Variants in SNTG1 observed in about 807,000 individuals in gnomAD.
SNTG1 encodes syntrophin gamma 1, also known as gamma-1-syntrophin.
A neutral mutation model predicts 74.7 loss-of-function variants in SNTG1; 39 were observed. That is an observed-to-expected ratio of 0.52 (90% CI 0.40 to 0.68). The LOEUF (loss-of-function observed/expected upper bound fraction) is 0.68. Among genes scored for constraint, SNTG1 ranks in the 30% least tolerant of loss-of-function variants. The pLI, the probability that SNTG1 is intolerant of heterozygous loss-of-function variation, is 0.00. For synonymous variants in SNTG1, 254 were observed against 217.1 expected, an observed-to-expected ratio of 1.17 and a Z score of -1.49; for missense variants, 685 against 609.5, an observed-to-expected ratio of 1.12 and a Z score of -1.30.
At chr8:50,712,543 T>C (rs1188773193) in intron 17 of SNTG1, among the ~76,000 whole-genome samples, 1 of 152,190 alleles carries the variant, frequency 6.6e-6, no homozygotes, top group Non-Finnish European at 1.5e-5. Flanking sequence ...AACATGCATG[T>C]TTGTTACATA....
chr8:50,304,678 A>G (rs2089799069), intron 2 of SNTG1, among the ~76,000 whole-genome samples: 1 of 152,070 alleles, frequency 6.6e-6, no homozygotes, highest in South Asian at 2.1e-4. Context: ...TCCTGCTCCC[A>G]CCCACTTCTA....
intron 1 of SNTG1, among the ~76,000 whole-genome samples, chr8:50,155,030 T>G (rs905800419): frequency 4.6e-5 from 7 of 152,220 alleles, no homozygotes; most frequent in Non-Finnish European, 1.0e-4. Flanking sequence ...ATGAAATTAT[T>G]TCAAAGTAAA....
At chr8:50,737,657 T>C (rs1010257617) in intron 17 of SNTG1, among the ~76,000 whole-genome samples, 20 of 152,108 alleles carry the variant, frequency 1.3e-4, no homozygotes, top group African/African-American at 4.6e-4. Context: ...GAGAAAATCC[T>C]CAATAAAATA....
chr8:50,333,789 A>G (rs999025398), intron 2 of SNTG1, among the ~76,000 whole-genome samples: 7 of 152,186 alleles, frequency 4.6e-5, no homozygotes, highest in Admixed American at 6.5e-5. Flanking sequence ...AACTAATAAT[A>G]AGGAATCAAA....
intron 17 of SNTG1, among the ~76,000 whole-genome samples, chr8:50,740,244 G>A (rs576966670): frequency 6.6e-6 from 1 of 150,890 alleles, no homozygotes; most frequent in African/African-American, 2.4e-5. Context: ...CTAATATCCA[G>A]CATCTACAAG....
chr8:50,310,229 C>A (rs1235641747), intron 2 of SNTG1, among the ~76,000 whole-genome samples: 1 of 152,052 alleles, frequency 6.6e-6, no homozygotes, highest in Non-Finnish European at 1.5e-5. Flanking sequence ...CTGGATTATT[C>A]TCTAGTTTTA....
chr8:50,610,707 A>G (rs1462455391), intron 13 of SNTG1, among the ~76,000 whole-genome samples: 1 of 152,190 alleles, frequency 6.6e-6, no homozygotes, highest in African/African-American at 2.4e-5. Flanking sequence ...CATGTGAACA[A>G]AGTAAGTAAT....
At chr8:50,255,463 G>C (rs900577898) in intron 2 of SNTG1, among the ~76,000 whole-genome samples, 7 of 152,260 alleles carry the variant, frequency 4.6e-5, no homozygotes, top group African/African-American at 1.4e-4. Flanking sequence ...TAAGGACACA[G>C]AAATTTATGT....
intron 1 of SNTG1, among the ~76,000 whole-genome samples, chr8:50,097,960 T>G (rs2079990110): frequency 6.6e-6 from 1 of 152,192 alleles, no homozygotes; most frequent in African/African-American, 2.4e-5. Flanking sequence ...AAAATATTAA[T>G]ATGTCTAAAG....
chr8:50,194,397 G>A (rs550292028), intron 2 of SNTG1, among the ~76,000 whole-genome samples: 1 of 151,928 alleles, frequency 6.6e-6, no homozygotes, highest in Non-Finnish European at 1.5e-5. Context: ...TTTAAGCCAG[G>A]AAGTTGTATT....
intron 15 of SNTG1, among the ~76,000 whole-genome samples, chr8:50,669,811 A>T (rs902358782): frequency 6.6e-6 from 1 of 152,238 alleles, no homozygotes; most frequent in Non-Finnish European, 1.5e-5. Flanking sequence ...TGGCAAACCA[A>T]ATCCAGCAGC....
chr8:50,331,195 A>T (rs1260327712), intron 2 of SNTG1, among the ~76,000 whole-genome samples: 4 of 152,314 alleles, frequency 2.6e-5, no homozygotes, highest in Non-Finnish European at 5.9e-5. Flanking sequence ...AATAGCACAC[A>T]GACAGGTGGG....
At chr8:50,215,509 A>G (rs57409741) in intron 2 of SNTG1, among the ~76,000 whole-genome samples, 3,624 of 148,704 alleles carry the variant, frequency 0.024, 144 homozygotes, top group African/African-American at 0.084. Flanking sequence ...GGCATAGATG[A>G]AAGGTTGAGA....
At chr8:49,982,033 A>G (rs779208128) in intron 1 of SNTG1, among the ~76,000 whole-genome samples, 12 of 152,188 alleles carry the variant, frequency 7.9e-5, no homozygotes, top group Non-Finnish European at 1.3e-4. Context: ...CAATAGCTTT[A>G]AAAATAAAAG....
At chr8:50,701,618 C>CTTCTTCTTCTTCTTCTTCTTCTT (rs201341360) in intron 15 of SNTG1, among the ~76,000 whole-genome samples, 3,524 of 136,932 alleles carry the variant, frequency 0.026, 110 homozygotes, top group South Asian at 0.046. Context: ...TCTTCTTCTT[C>CTTCTTCTTCTTCTTCTTCTTCTT]GTGTTCCTCT....
At chr8:50,101,744 T>C (rs2080134484) in intron 1 of SNTG1, among the ~76,000 whole-genome samples, 1 of 151,868 alleles carries the variant, frequency 6.6e-6, no homozygotes, top group South Asian at 2.1e-4. Context: ...GAGTGTAATG[T>C]TCCCCTTCCT....
chr8:50,063,744 T>A (rs203951), intron 1 of SNTG1, among the ~76,000 whole-genome samples: 100,338 of 152,038 alleles, frequency 0.66, 33,569 homozygotes, highest in East Asian at 0.96. Flanking sequence ...AGCTTTTTTT[T>A]AAAAATATAA....
chr8:50,249,715 G>T (rs2086562725), intron 2 of SNTG1, among the ~76,000 whole-genome samples: 1 of 151,880 alleles, frequency 6.6e-6, no homozygotes, highest in African/African-American at 2.4e-5. Context: ...CACAATCAAG[G>T]GTTGTAACTG....
intron 1 of SNTG1, among the ~76,000 whole-genome samples, chr8:49,970,664 G>A (rs961988350): frequency 1.3e-5 from 2 of 152,134 alleles, no homozygotes; most frequent in Admixed American, 1.3e-4. Flanking sequence ...TATAACTTAC[G>A]TAGCTCTAAT....
Sources: allele counts gnomAD v4.1 joint callset (sites outside exome capture counted in the v4.1 genomes callset), GRCh38; gene constraint gnomAD v4.1.1; transcripts MANE v1.5; gene names NCBI Gene and HGNC (gene_info 2026-07-23, HGNC 2026-07-21).